Variants in ANO10 observed in about 807,000 individuals in gnomAD.
ANO10 encodes the protein anoctamin-10.
Under a neutral mutation model 74.7 loss-of-function variants are expected in ANO10, and 77 were observed. That is an observed-to-expected ratio of 1.03 (90% CI 0.86 to 1.25). The LOEUF is 1.25. Among genes scored for constraint, ANO10 ranks in the 50% most tolerant of loss-of-function variants. The pLI, the probability that ANO10 is intolerant of heterozygous loss-of-function variation, is 0.00. For missense variants in ANO10, 721 were observed against 778.1 expected (o/e 0.93, Z 0.87); for synonymous variants, 279 against 284.9 (o/e 0.98, Z 0.21).
At chr3:43,462,173 T>C (rs1022900613) in intron 11 of ANO10, among the ~76,000 whole-genome samples, 2 of 152,194 alleles carry the variant, frequency 1.3e-5, no homozygotes, top group Non-Finnish European at 2.9e-5. Context: ...GGAAGAAATT[T>C]CTAAGCAGCA....
chr3:43,498,134 T>C (rs994914295), intron 11 of ANO10, among the ~76,000 whole-genome samples: 1 of 152,356 alleles, frequency 6.6e-6, no homozygotes, highest in South Asian at 2.1e-4. Flanking sequence ...TTAAAAAGTA[T>C]GAATCACTGA....
chr3:43,475,299 A>G (rs887862614), intron 11 of ANO10, among the ~76,000 whole-genome samples: 2 of 152,150 alleles, frequency 1.3e-5, no homozygotes, highest in Non-Finnish European at 2.9e-5. Context: ...AGAACCTGTG[A>G]ATTTTTTTTC....
intron 12 of ANO10, among the ~76,000 whole-genome samples, chr3:43,392,750 C>T (rs1012959845): frequency 6.6e-6 from 1 of 152,122 alleles, no homozygotes; most frequent in Non-Finnish European, 1.5e-5. Context: ...ACTCTTCAGT[C>T]GACATTCTAT....
chr3:43,397,674 T>C (rs1044851796), intron 12 of ANO10, among the ~76,000 whole-genome samples: 1 of 152,218 alleles, frequency 6.6e-6, no homozygotes, highest in Admixed American at 6.5e-5. Context: ...CAAATGCACA[T>C]GCTCTGCTGA....
intron 11 of ANO10, among the ~76,000 whole-genome samples, chr3:43,461,215 A>G (rs2075364154): frequency 1.3e-5 from 2 of 152,324 alleles, no homozygotes; most frequent in South Asian, 4.1e-4. Context: ...AGAAATTAAA[A>G]CCATAACAAG....
At chr3:43,483,999 C>T (rs1371772273) in intron 11 of ANO10, among the ~76,000 whole-genome samples, 1 of 152,084 alleles carries the variant, frequency 6.6e-6, no homozygotes, top group Non-Finnish European at 1.5e-5. Context: ...TGCAGTGGTG[C>T]AATCACAACT....
chr3:43,386,661 G>A (rs1409151919), intron 12 of ANO10, among the ~76,000 whole-genome samples: 1 of 138,056 alleles, frequency 7.2e-6, no homozygotes, highest in Middle Eastern at 3.5e-3. Context: ...GTGTGTGTGT[G>A]TGTGTGTGTG....
intron 12 of ANO10, among the ~76,000 whole-genome samples, chr3:43,389,901 G>A (rs2092231386): frequency 1.3e-5 from 2 of 152,226 alleles, no homozygotes; most frequent in East Asian, 1.9e-4. Flanking sequence ...CGTACTAGAC[G>A]GAAATGGAAC....
intron 11 of ANO10, among the ~76,000 whole-genome samples, chr3:43,543,104 A>G (rs2079026601): frequency 6.6e-6 from 1 of 152,188 alleles, no homozygotes; most frequent in Non-Finnish European, 1.5e-5. Context: ...ATAGTTTCAA[A>G]TATCTATAAA....
At chr3:43,585,452 A>C (rs1050640741) in intron 4 of ANO10, among the ~76,000 whole-genome samples, 1 of 152,234 alleles carries the variant, frequency 6.6e-6, no homozygotes, top group African/African-American at 2.4e-5. Context: ...GGCTACCTAC[A>C]CAGTTAGAGA....
intron 1 of ANO10, among the ~76,000 whole-genome samples, chr3:43,682,937 A>G (rs552469340): frequency 6.6e-6 from 1 of 152,346 alleles, no homozygotes; most frequent in African/African-American, 2.4e-5. Context: ...ATCTCAAAAT[A>G]ATAAGAGCTA....
At chr3:43,669,874 C>T (rs189861339) in intron 1 of ANO10, among the ~76,000 whole-genome samples, 213 of 152,044 alleles carry the variant, frequency 1.4e-3, no homozygotes, top group African/African-American at 4.9e-3. Flanking sequence ...TACAGGTGCC[C>T]GCCACCACGC....
At chr3:43,612,143 TATATATATATATATATATATATATATA>T in intron 1 of ANO10, among the ~76,000 whole-genome samples, 1 of 14,472 alleles carries the variant, frequency 6.9e-5, no homozygotes, top group South Asian at 2.2e-3. Flanking sequence ...AAATATTTTA[TATATATATATATATATATATATATATA>T]TATATATATA....
chr3:43,440,382 C>T (rs559586125), intron 11 of ANO10, among the ~76,000 whole-genome samples: 2 of 151,858 alleles, frequency 1.3e-5, no homozygotes, highest in Non-Finnish European at 2.9e-5. Flanking sequence ...AAAATGGCAA[C>T]AAAAAGAGAG....
chr3:43,431,859 T>C (rs1268845807), intron 12 of ANO10, among the ~76,000 whole-genome samples: 1 of 152,038 alleles, frequency 6.6e-6, no homozygotes, highest in African/African-American at 2.4e-5. Context: ...GTTCTTTTTT[T>C]CTCCCCACTC....
At chr3:43,444,271 A>C (rs1355090667) in intron 11 of ANO10, among the ~76,000 whole-genome samples, 2 of 152,134 alleles carry the variant, frequency 1.3e-5, no homozygotes, top group African/African-American at 2.4e-5. Flanking sequence ...ATACAGCTTA[A>C]AGCAATTTAC....
intron 11 of ANO10, among the ~76,000 whole-genome samples, chr3:43,502,332 TG>T (rs1189622923): frequency 1.5e-3 from 221 of 152,302 alleles, no homozygotes; most frequent in African/African-American, 5.1e-3. Flanking sequence ...GTTTGGGTCA[TG>T]GGGGCAGATT....
Position 43,377,740 on chromosome 3 carries a change from A to T in ANO10, c.1915-10766T>A, listed in dbSNP as rs556142943. On this transcript the variant is annotated intron_variant, in intron 12 of 12. Coordinates refer to ENST00000292246, the MANE Select transcript of ANO10 (RefSeq NM_018075.5). Reference sequence around the variant, plus strand: ...ACACCAAGCACAAGTGGCTGTTCCAAAGAAACCCCCGCAGGCTCCTTCAGT... The same window carrying T: ...ACACCAAGCACAAGTGGCTGTTCCATAGAAACCCCCGCAGGCTCCTTCAGT... Among the ~76,000 whole-genome samples the T allele has an allele frequency of 3.0e-4, 46 of 152,322 alleles. No individual in the cohort carries two copies. In the South Asian group the frequency reaches 8.7e-3, roughly 29 times the overall value.
intron 6 of ANO10, 149 bp downstream of exon 6, chr3:43,576,543 A>C: frequency 1.4e-6 from 1 of 740,688 alleles, no homozygotes; most frequent in Non-Finnish European, 2.3e-6. Flanking sequence ...ATCAGTGTTC[A>C]CAAAGCTGAT....
Sources: gnomAD v4.1 joint callset for allele counts (sites outside exome capture counted in the v4.1 genomes callset) on GRCh38, gnomAD v4.1.1 for gene constraint, MANE v1.5 for transcripts, NCBI Gene and HGNC (gene_info 2026-07-23, HGNC 2026-07-21) for gene names.